CPNE5: variants seen among roughly 807,000 people sequenced by gnomAD.
CPNE5 encodes copine 5, also known as copine-5.
CPNE5 carries 42 observed loss-of-function variants against 81.1 expected under a neutral mutation model. The observed-to-expected ratio is 0.52, with a 90% CI of 0.40 to 0.67. The LOEUF (loss-of-function observed/expected upper bound fraction) is 0.67, where lower values mean the gene tolerates loss of function less well. Among genes scored for constraint, CPNE5 ranks in the 30% least tolerant of loss-of-function variants. The pLI is 0.00. For synonymous variants in CPNE5, 313 were observed against 321.5 expected (o/e 0.97, Z 0.28); for missense variants, 612 against 815.5 (o/e 0.75, Z 3.04).
rs762415537 is a variant in CPNE5 at position 36,774,974 on chromosome 6, C to T, written c.724G>A (p.Gly242Ser). 9 of 1,613,500 alleles carry T rather than the reference C, an allele frequency of 5.6e-6. No individual in the cohort carries two copies. Among genetic ancestry groups the T allele is most frequent in the Admixed American group, 1.7e-5 (1 of 60,008 alleles). The change falls in exon 10 of 21, where the codon GGC becomes AGC. Residue 242 changes from glycine (G) to serine (S), a missense_variant. Gly to Ser is a moderately conservative substitution (Grantham distance 56, BLOSUM62 0). Coordinates refer to ENST00000244751, the MANE Select transcript of CPNE5 (RefSeq NM_020939.2). ...TTCTCATCTCACCGATCGTAGTCGC[C>T]GTTGCAGAGGGCTCTCACGGGAATG... The part of the protein sequence containing the change: ...FSIPVRALCN[G>S]DYDRTIKVEV...
chr6:36,778,707 C>G, intron 9 of CPNE5, 147 bp downstream of exon 9: 1 of 627,076 alleles, frequency 1.6e-6, no homozygotes, highest in Non-Finnish European at 2.9e-6. Context: ...CCTGGGGCCC[C>G]GGACTTCCAC....
chr6:36,824,838 C>T (rs138598323), intron 1 of CPNE5, among the ~76,000 whole-genome samples: 1 of 152,302 alleles, frequency 6.6e-6, no homozygotes, highest in African/African-American at 2.4e-5. Flanking sequence ...CCCAACTACT[C>T]AGGAGCCTGA....
At position 36,743,893 on chromosome 6, in the gene CPNE5, G is replaced by C. The variant is rs368025124; in HGVS notation, c.1490-131C>G. ...GACCACTGGCCCATGCCCCGTGTTAGAGATGAGGAAACTGAGGCCAGGGGC... is the reference window on the plus strand; with the variant it reads ...GACCACTGGCCCATGCCCCGTGTTACAGATGAGGAAACTGAGGCCAGGGGC... On this transcript the variant is annotated intron_variant, in intron 19 of 20. Coordinates refer to ENST00000244751, the MANE Select transcript of CPNE5 (RefSeq NM_020939.2). The C allele has an allele frequency of 2.3e-4, 186 of 802,028 alleles. No homozygotes were observed. The East Asian group carries it at 2.4e-3, about 10-fold the overall frequency. 49.7% of individuals were successfully genotyped at this position (802,028 alleles called of 1,614,324 possible). A position where few individuals can be genotyped will look rare whatever the true frequency, so the allele number is the denominator to read the frequency against.
chr6:36,832,113 CAT>C (rs1219566409), intron 1 of CPNE5, among the ~76,000 whole-genome samples: 10 of 152,244 alleles, frequency 6.6e-5, no homozygotes, highest in Non-Finnish European at 1.5e-4. Context: ...GAAAGGCAGT[CAT>C]GGGTTCAGTC....
At chr6:36,786,214 T>G (rs1403916454) in intron 8 of CPNE5, among the ~76,000 whole-genome samples, 1 of 152,124 alleles carries the variant, frequency 6.6e-6, no homozygotes, top group Non-Finnish European at 1.5e-5. Flanking sequence ...GGGGTGATTC[T>G]GTGAGTAGGG....
chr6:36,776,217 G>A (rs1207549460), intron 9 of CPNE5, among the ~76,000 whole-genome samples: 4 of 152,172 alleles, frequency 2.6e-5, no homozygotes, highest in African/African-American at 7.2e-5. Context: ...CCCACAACCC[G>A]CCCCAGCTAC....
At chr6:36,765,625 A>C (rs1449632097) in intron 10 of CPNE5, among the ~76,000 whole-genome samples, 2 of 152,182 alleles carry the variant, frequency 1.3e-5, no homozygotes, top group Non-Finnish European at 1.5e-5. Context: ...TGTGGGAAAA[A>C]CAGCTGCAGA....
intron 11 of CPNE5, 27 bp from the exon 12 acceptor site, chr6:36,763,019 C>A: frequency 6.2e-7 from 1 of 1,605,186 alleles, no homozygotes; most frequent in Non-Finnish European, 8.5e-7. Context: ...CTGCTGAGAC[C>A]AAGGCCAGGC....
chr6:36,820,698 G>A (rs977541088), intron 3 of CPNE5, among the ~76,000 whole-genome samples: 13 of 151,902 alleles, frequency 8.6e-5, no homozygotes, highest in African/African-American at 1.2e-4. Context: ...CCAGCAGTTC[G>A]GGAGGCAAAG....
chr6:36,827,872 ATT>A lies in CPNE5; in HGVS notation c.96-4776_96-4775del, dbSNP rs67045154. 8.7e-3 allele frequency: 2,471 copies of A among 284,424 alleles called. 1 individual carries two copies. The highest frequency in any genetic ancestry group is 0.012 in the South Asian group (85 of 6,840). The allele number at this position is 284,424 out of a possible 1,614,324, so 17.6% of individuals were successfully genotyped here. On this transcript the variant is annotated intron_variant, in intron 1 of 20. Transcript: ENST00000244751. ...AAATTTTTTTTAGCAGGAAAAACGT[ATT>A]TTTTTTTTTTCTAAAAGAGCATACA...
At chr6:36,758,013 C>T (rs1337086902) in intron 12 of CPNE5, among the ~76,000 whole-genome samples, 1 of 152,112 alleles carries the variant, frequency 6.6e-6, no homozygotes, top group Non-Finnish European at 1.5e-5. Context: ...GAGACAAAAT[C>T]AGAGCAGGCT....
intron 12 of CPNE5, among the ~76,000 whole-genome samples, chr6:36,762,119 G>A (rs1427616004): frequency 2.0e-5 from 3 of 151,748 alleles, no homozygotes; most frequent in Non-Finnish European, 4.4e-5. Flanking sequence ...TGGGCATGGT[G>A]GTGCGTGCTT....
intron 9 of CPNE5, among the ~76,000 whole-genome samples, chr6:36,777,139 A>T (rs981094720): frequency 3.5e-5 from 5 of 143,372 alleles, no homozygotes; most frequent in African/African-American, 1.3e-4. Context: ...CTGCTCTGCA[A>T]GCACTCTGGG....
At chr6:36,795,024 G>A (rs1024198692) in intron 6 of CPNE5, among the ~76,000 whole-genome samples, 3 of 152,110 alleles carry the variant, frequency 2.0e-5, no homozygotes, top group Non-Finnish European at 4.4e-5. Flanking sequence ...TCCAGACTCC[G>A]CATCCAGACT....
intron 8 of CPNE5, among the ~76,000 whole-genome samples, chr6:36,791,255 T>G (rs1296230343): frequency 6.6e-6 from 1 of 152,224 alleles, no homozygotes; most frequent in Non-Finnish European, 1.5e-5. Flanking sequence ...GTCATGGCTC[T>G]GCTGTTTGTC....
intron 9 of CPNE5, 150 bp downstream of exon 9, chr6:36,778,704 C>T: frequency 3.2e-6 from 2 of 617,874 alleles, no homozygotes; most frequent in South Asian, 4.2e-5. Context: ...TACCCTGGGG[C>T]CCCGGACTTC....
intron 1 of CPNE5, among the ~76,000 whole-genome samples, chr6:36,825,562 C>T (rs1240621886): frequency 2.6e-5 from 4 of 152,188 alleles, no homozygotes; most frequent in Admixed American, 6.5e-5. Context: ...GCTGTCATTT[C>T]GGAAACCATC....
chr6:36,752,385 C>A (rs1227373120), intron 14 of CPNE5, among the ~76,000 whole-genome samples: 1 of 152,072 alleles, frequency 6.6e-6, no homozygotes, highest in African/African-American at 2.4e-5. Flanking sequence ...GACACTGTGC[C>A]TGGTGGTTCT....
At chr6:36,778,980 G>C (rs1767784217) in intron 8 of CPNE5, 23 bp from the exon 9 acceptor site, 6 of 1,519,896 alleles carry the variant, frequency 3.9e-6, no homozygotes, top group Non-Finnish European at 5.5e-6. Flanking sequence ...AGGGAGAACG[G>C]GGTGTGAGGC....
Sources: gnomAD v4.1 joint callset for allele counts (sites outside exome capture counted in the v4.1 genomes callset) on GRCh38, gnomAD v4.1.1 for gene constraint, MANE v1.5 for transcripts, NCBI Gene and HGNC (gene_info 2026-07-23, HGNC 2026-07-21) for gene names.